Variants in KLF12 observed in about 807,000 individuals in gnomAD.
KLF12 encodes the protein Krueppel-like factor 12.
Under a neutral mutation model 37.8 loss-of-function variants are expected in KLF12, and 9 were observed. The ratio of observed to expected loss-of-function variants is 0.24; its 90% confidence interval spans 0.14 to 0.42. The LOEUF is 0.42. KLF12 is among the 10% of genes least tolerant of loss of function. The probability of loss-of-function intolerance (pLI) is 1.00; values close to 1 mark genes in which losing one functional copy is unlikely to be tolerated. For synonymous variants in KLF12, 208 were observed against 202.1 expected (o/e 1.03, Z -0.25); for missense variants, 411 against 516.0 (o/e 0.80, Z 1.97).
chr13:74,302,960 A>G, the KLF12 span, among the ~76,000 whole-genome samples: 1 of 151,944 alleles, frequency 6.6e-6, no homozygotes, highest in South Asian at 2.1e-4. Context: ...CCTTTAACTC[A>G]TTTTTTTAAA....
At chr13:74,052,426 C>T (rs1872983072) in intron 1 of KLF12, among the ~76,000 whole-genome samples, 1 of 151,952 alleles carries the variant, frequency 6.6e-6, no homozygotes, top group African/African-American at 2.4e-5. Flanking sequence ...TTCTATTACT[C>T]CCATTCTTGA....
At chr13:74,136,032 A>G (rs1178042334), upstream of KLF12, among the ~76,000 whole-genome samples, 1 of 152,144 alleles carries the variant, frequency 6.6e-6, no homozygotes, top group Non-Finnish European at 1.5e-5. Context: ...GGTCCAACCT[A>G]GAGGAGGGGT....
chr13:73,712,537 T>G (rs1875484269), intron 7 of KLF12, among the ~76,000 whole-genome samples: 1 of 152,180 alleles, frequency 6.6e-6, no homozygotes, highest in Non-Finnish European at 1.5e-5. Flanking sequence ...TAGAAGATTT[T>G]ATAAACTTAG....
rs549772734 is a variant in KLF12, at chr13:73,772,657, G to A, written c.807-7657C>T. Among the ~76,000 whole-genome samples the A allele has an allele frequency of 9.2e-4, 140 of 152,308 alleles. 3 individuals are homozygous for A. In the South Asian group the frequency reaches 0.027, roughly 30 times the overall value. On this transcript the variant is annotated intron_variant, in intron 5 of 7. Coordinates refer to ENST00000377669, the MANE Select transcript of KLF12 (RefSeq NM_007249.5). ...GGAGGGGCAGGAGATTACAGGTGTC[G>A]TGTGTTGTGGTAAATGGTTAACTCA...
intron 5 of KLF12, among the ~76,000 whole-genome samples, chr13:73,802,740 G>A (rs371124901): frequency 1.3e-3 from 194 of 152,200 alleles, no homozygotes; most frequent in Middle Eastern, 6.8e-3. Flanking sequence ...CTGTTCCTGG[G>A]TTAATTGGCT....
At chr13:73,973,749 G>C (rs531950890) in intron 2 of KLF12, among the ~76,000 whole-genome samples, 2 of 152,140 alleles carry the variant, frequency 1.3e-5, no homozygotes, top group East Asian at 3.9e-4. Flanking sequence ...ATGAAAGAAA[G>C]AGAAGGAAGA....
chr13:73,803,790 A>T (rs946391870), intron 5 of KLF12, among the ~76,000 whole-genome samples: 5 of 149,908 alleles, frequency 3.3e-5, no homozygotes, highest in African/African-American at 1.2e-4. Flanking sequence ...ACACACACAC[A>T]CACACACACA....
chr13:74,193,055 T>G, the KLF12 span, among the ~76,000 whole-genome samples: 2 of 149,762 alleles, frequency 1.3e-5, no homozygotes, highest in African/African-American at 4.9e-5. Context: ...CTCGGCTCAC[T>G]GCAACCTGCG....
intron 1 of KLF12, among the ~76,000 whole-genome samples, chr13:74,044,524 C>T (rs1893488292): frequency 6.6e-6 from 1 of 151,930 alleles, no homozygotes; most frequent in Admixed American, 6.6e-5. Flanking sequence ...GGAGATATGT[C>T]AGAGAGATAC....
the KLF12 span, among the ~76,000 whole-genome samples, chr13:74,167,593 G>A: frequency 6.6e-5 from 10 of 152,268 alleles, no homozygotes; most frequent in East Asian, 3.9e-4. Context: ...CATTAAGCCC[G>A]TCAATTTGGT....
chr13:74,113,238 T>C (rs940476736), intron 1 of KLF12, among the ~76,000 whole-genome samples: 1 of 152,212 alleles, frequency 6.6e-6, no homozygotes. Context: ...ATCCGGAAGA[T>C]CTAGCTAAAA....
the KLF12 span, among the ~76,000 whole-genome samples, chr13:74,275,431 T>C: frequency 6.6e-6 from 1 of 152,204 alleles, no homozygotes; most frequent in Non-Finnish European, 1.5e-5. Context: ...TCAAACTACA[T>C]GTTGAATAAT....
intron 5 of KLF12, among the ~76,000 whole-genome samples, chr13:73,808,889 C>A (rs1369605387): frequency 1.3e-5 from 2 of 152,316 alleles, no homozygotes; most frequent in South Asian, 2.1e-4. Flanking sequence ...TGGCCCAGGG[C>A]AAGGCAATTT....
intron 5 of KLF12, among the ~76,000 whole-genome samples, chr13:73,804,848 T>C (rs1482415144): frequency 6.6e-6 from 1 of 152,210 alleles, no homozygotes; most frequent in Non-Finnish European, 1.5e-5. Flanking sequence ...GATTTAAAGG[T>C]GTCCCAAACC....
the KLF12 span, among the ~76,000 whole-genome samples, chr13:74,282,075 G>A: frequency 2.0e-5 from 3 of 152,258 alleles, no homozygotes; most frequent in African/African-American, 7.2e-5. Flanking sequence ...GGAGTTTAGG[G>A]GAAGGTGGGA....
chr13:73,858,353 A>G (rs79117263), intron 3 of KLF12, among the ~76,000 whole-genome samples: 3,135 of 152,302 alleles, frequency 0.021, 78 homozygotes, highest in African/African-American at 0.07. Flanking sequence ...AAAAATTAAC[A>G]CATCCACTTA....
chr13:73,968,329 T>C (rs78159636), intron 2 of KLF12, among the ~76,000 whole-genome samples: 1 of 152,206 alleles, frequency 6.6e-6, no homozygotes, highest in East Asian at 1.9e-4. Context: ...CCTTATGACA[T>C]CTATTTGTCT....
intron 2 of KLF12, among the ~76,000 whole-genome samples, chr13:73,947,524 G>A (rs914478605): frequency 8.6e-5 from 13 of 151,656 alleles, no homozygotes; most frequent in South Asian, 2.1e-4. Context: ...TGTGGTGGGC[G>A]CCTGTAGTAT....
At chr13:73,709,084 C>G (rs1875169464) in intron 7 of KLF12, among the ~76,000 whole-genome samples, 1 of 152,146 alleles carries the variant, frequency 6.6e-6, no homozygotes, top group Admixed American at 6.6e-5. Context: ...GTGTTATTAT[C>G]TAAACTGTAC....
Sources: gnomAD v4.1 joint callset for allele counts (sites outside exome capture counted in the v4.1 genomes callset) on GRCh38, gnomAD v4.1.1 for gene constraint, MANE v1.5 for transcripts, NCBI Gene and HGNC (gene_info 2026-07-23, HGNC 2026-07-21) for gene names.